The following TRPA1 variants were observed in gnomAD, a reference collection of about 807,000 sequenced individuals.
TRPA1 encodes transient receptor potential cation channel subfamily A member 1.
In TRPA1, 129 loss-of-function variants were observed where a neutral mutation model predicts 131.3. That is an observed-to-expected ratio of 0.98 (90% CI 0.85 to 1.14). The LOEUF is 1.14. Among genes scored for constraint, TRPA1 ranks in the 50% most tolerant of loss-of-function variants. The probability of loss-of-function intolerance (pLI) is 0.00; values close to 1 mark genes in which losing one functional copy is unlikely to be tolerated. For missense variants in TRPA1, 1,304 were observed against 1,354.2 expected (o/e 0.96, Z 0.58); for synonymous variants, 441 against 451.7 (o/e 0.98, Z 0.30).
chr8:72,042,641 A>G (rs1237517641), intron 17 of TRPA1, among the ~76,000 whole-genome samples: 1 of 151,936 alleles, frequency 6.6e-6, no homozygotes, highest in East Asian at 1.9e-4. Context: ...CACAATAGCC[A>G]AAAAGGGAAA....
At chr8:72,063,257 T>G (rs533476455) in intron 5 of TRPA1, among the ~76,000 whole-genome samples, 1 of 152,022 alleles carries the variant, frequency 6.6e-6, no homozygotes, top group East Asian at 1.9e-4. Flanking sequence ...GGCATGCACC[T>G]ATAGTCCTGT....
intron 25 of TRPA1, among the ~76,000 whole-genome samples, chr8:72,025,518 T>C (rs183149273): frequency 3.3e-5 from 5 of 152,244 alleles, no homozygotes; most frequent in Admixed American, 1.3e-4. Context: ...ATTAATACAT[T>C]GTATGTATAG....
intron 24 of TRPA1, among the ~76,000 whole-genome samples, chr8:72,026,924 C>G (rs919089265): frequency 2.6e-5 from 4 of 152,132 alleles, no homozygotes; most frequent in Admixed American, 1.3e-4. Context: ...GGCCCCCTCA[C>G]TGTCCCCCAA....
chr8:72,023,880 T>TC lies in TRPA1; in HGVS notation c.3082dup (p.Glu1028GlyfsTer10). On this transcript the variant is annotated frameshift_variant, in exon 26 of 27. Coordinates refer to ENST00000262209, the MANE Select transcript of TRPA1 (RefSeq NM_007332.3). LOFTEE classifies it high-confidence loss of function. ...AGCATTTGGTATTTCTTGTCTTATT[T>TC]CCCCAGTGCAAAATAAAAAACAGAA... 6.3e-7 allele frequency: 1 copy of TC among 1,595,008 alleles called. No homozygotes were observed. Among genetic ancestry groups the TC allele is most frequent in the Non-Finnish European group, 8.6e-7 (1 of 1,163,120 alleles).
In TRPA1 at chr8:72,029,700, C is replaced by T. The variant is rs1184471635; in HGVS notation, c.2937+201G>A. 9.1e-6 allele frequency: 6 copies of T among 660,622 alleles called. No individual in the cohort carries two copies. In the Admixed American group the frequency reaches 1.1e-4, roughly 12 times the overall value. The allele number at this position is 660,622 out of a possible 1,614,324, so 40.9% of individuals were successfully genotyped here. A position where few individuals can be genotyped will look rare whatever the true frequency, so the allele number is the denominator to read the frequency against. ...CAGTATGTGGTATTCTCCTGGGATG[C>T]CGGGCAGTGGCAGCGAGGAACAGAA... is the stretch of plus-strand genomic sequence containing the variant. On this transcript the variant is annotated intron_variant, in intron 24 of 26. Transcript: ENST00000262209.
At chr8:72,067,966 AG>A (rs1335480550) in intron 3 of TRPA1, among the ~76,000 whole-genome samples, 4 of 152,228 alleles carry the variant, frequency 2.6e-5, no homozygotes, top group African/African-American at 9.6e-5. Flanking sequence ...TACTTGAATT[AG>A]TAAGACACAC....
chr8:72,053,098 A>G, intron 13 of TRPA1: 1 of 326,068 alleles, frequency 3.1e-6, no homozygotes, highest in South Asian at 2.8e-5. Flanking sequence ...TGATTCCACA[A>G]GGACAAAGGA....
intron 21 of TRPA1, among the ~76,000 whole-genome samples, 161 bp downstream of exon 21, chr8:72,036,127 C>G (rs977076255): frequency 3.3e-5 from 5 of 151,880 alleles, no homozygotes; most frequent in African/African-American, 1.2e-4. Context: ...ACTCTGGAAC[C>G]ATGCTCCAGC....
intron 23 of TRPA1, among the ~76,000 whole-genome samples, chr8:72,031,577 CAAAAAAAACAAAAAAACAA>C (rs756184431): frequency 4.4e-4 from 60 of 135,000 alleles, no homozygotes; most frequent in African/African-American, 6.7e-4. Flanking sequence ...GATCCTATCT[CAAAAAAAACAAAAAAACAA>C]AAAAAAAACA....
At chr8:72,034,166 T>G in intron 22 of TRPA1, 82 bp downstream of exon 22, 1 of 1,347,392 alleles carries the variant, frequency 7.4e-7, no homozygotes, top group African/African-American at 1.5e-5. Context: ...TTATGCATTT[T>G]CTAGACTATT....
intron 16 of TRPA1, 66 bp downstream of exon 16, chr8:72,047,082 T>C (rs1224368284): frequency 6.6e-6 from 8 of 1,217,314 alleles, no homozygotes; most frequent in Non-Finnish European, 8.4e-6. Flanking sequence ...AGTAACAATA[T>C]TTTTAATATT....
Position 72,022,847 on chromosome 8 carries a change from A to G in TRPA1, c.*59T>C. The G allele has an allele frequency of 6.7e-7, 1 of 1,483,652 alleles. No homozygotes were observed. The highest frequency in any genetic ancestry group is 9.4e-7 in the Non-Finnish European group (1 of 1,064,432). 91.9% of individuals were successfully genotyped at this position (1,483,652 alleles called of 1,614,324 possible). ...TTCTTCCTCACTCTTTTTAAATTGAAAGTTAGAACCAGCAAGTCATGCACC... is the reference window on the plus strand; with the variant it reads ...TTCTTCCTCACTCTTTTTAAATTGAGAGTTAGAACCAGCAAGTCATGCACC... On this transcript the variant is annotated 3_prime_UTR_variant, in exon 27 of 27. Transcript: ENST00000262209.
rs772226867 is a variant in TRPA1, at chr8:72,039,778, C to A, written c.2081G>T (p.Arg694Leu). 10 of 1,608,442 alleles carry A rather than the reference C, an allele frequency of 6.2e-6. No homozygotes were observed. The highest frequency in any genetic ancestry group is 2.2e-5 in the East Asian group (1 of 44,646). Residue 694 changes from arginine (R) to leucine (L), a missense_variant, in exon 18 of 27, where the codon CGC (arginine) becomes CTC (leucine). Transcript: ENST00000262209. ...CACAGGATGATTGAGAAGCTCTATG[C>A]GGTTATTTTGTACCATTGCCTGAGA... is the stretch of plus-strand genomic sequence containing the variant. ...TALNAMVQNN[R>L]IELLNHPVCK...
intron 2 of TRPA1, among the ~76,000 whole-genome samples, 157 bp from the exon 3 acceptor site, chr8:72,069,355 A>T (rs539594571): frequency 2.0e-5 from 3 of 152,246 alleles, no homozygotes; most frequent in Non-Finnish European, 2.9e-5. Flanking sequence ...CTAACGAAAC[A>T]TTTAATGGGA....
At chr8:72,082,431 C>T in the TRPA1 span, among the ~76,000 whole-genome samples, 1 of 151,962 alleles carries the variant, frequency 6.6e-6, no homozygotes, top group African/African-American at 2.4e-5. Flanking sequence ...TTATATTTGC[C>T]TACTTATTTA....
At chr8:72,069,334 C>A in intron 2 of TRPA1, 136 bp from the exon 3 acceptor site, 1 of 844,536 alleles carries the variant, frequency 1.2e-6, no homozygotes, top group Non-Finnish European at 1.9e-6. Context: ...ACTAAAAACA[C>A]AGCTTCAGTT....
intron 6 of TRPA1, among the ~76,000 whole-genome samples, chr8:72,061,988 A>G (rs1291092828): frequency 2.0e-5 from 3 of 152,186 alleles, no homozygotes; most frequent in African/African-American, 7.2e-5. Flanking sequence ...TCCTTCTAAT[A>G]TAACAACTCT....
At chr8:72,087,177 G>A in the TRPA1 span, among the ~76,000 whole-genome samples, 26 of 152,112 alleles carry the variant, frequency 1.7e-4, no homozygotes, top group South Asian at 2.1e-4. Context: ...TGTATTACTG[G>A]CTGTAATTGG....
At chr8:72,081,333 C>T in the TRPA1 span, among the ~76,000 whole-genome samples, 84 of 151,802 alleles carry the variant, frequency 5.5e-4, no homozygotes, top group African/African-American at 2.0e-3. Context: ...ATTCAATTCA[C>T]CCTGTTTATG....
Sources: allele counts gnomAD v4.1 joint callset (sites outside exome capture counted in the v4.1 genomes callset), GRCh38; gene constraint gnomAD v4.1.1; transcripts MANE v1.5; gene names NCBI Gene and HGNC (gene_info 2026-07-23, HGNC 2026-07-21).